DNAH10: variants seen among roughly 807,000 people sequenced by gnomAD.
DNAH10 encodes the protein dynein axonemal heavy chain 10, also known as axonemal beta dynein heavy chain 10.
In DNAH10, 348 loss-of-function variants were observed where a neutral mutation model predicts 506.6. The ratio of observed to expected loss-of-function variants is 0.69; its 90% CI spans 0.63 to 0.75. The LOEUF is 0.75. Ranked by LOEUF, DNAH10 falls within the 30% of genes least tolerant of loss-of-function variation. The pLI, the probability that DNAH10 is intolerant of heterozygous loss-of-function variation, is 0.00. For synonymous variants in DNAH10, 2,059 were observed against 2,198.6 expected, an observed-to-expected ratio of 0.94 and a Z score of 1.78; for missense variants, 5,179 against 5,787.1, an observed-to-expected ratio of 0.89 and a Z score of 3.41.
In DNAH10 at chr12:123,923,906, G is replaced by T. The variant is rs745564849; in HGVS notation, c.11611+39G>T. The stretch of plus-strand genomic sequence containing the variant: ...CTAGCTTCATTCCTCCCATCTCCTT[G>T]CCCACATGATACATGTATATAAGTT... On this transcript the variant is annotated intron_variant, in intron 66 of 78. Transcript: ENST00000673944. The T allele has an allele frequency of 2.8e-6, 4 of 1,416,362 alleles. No individual in the cohort carries two copies. The East Asian group carries it at 9.2e-5, about 33-fold the overall frequency. 87.7% of individuals were successfully genotyped at this position (1,416,362 alleles called of 1,614,324 possible).
At position 123,787,927 on chromosome 12, in the gene DNAH10, G is replaced by A. The variant is rs767865064; in HGVS notation, c.1545G>A (p.Glu515=). ...IEASGREDRW[E]FDRKRLFERT... ...CTTCGGGGAGGGAAGATCGGTGGGA[G>A]TTTGACCGGAAGCGGCTGTTCGAGA... Residue 515 remains glutamate (E), a synonymous_variant, in exon 10 of 79, where the codon GAG becomes GAA. Transcript: ENST00000673944. This position sits in a 1 kb window ranked among gnomAD's most constrained non-coding sequence, Gnocchi z 4.6. 3 of 1,608,676 alleles carry A rather than the reference G, an allele frequency of 1.9e-6. No individual in the cohort carries two copies. Among genetic ancestry groups the A allele is most frequent in the Admixed American group, 3.4e-5 (2 of 58,928 alleles).
At chr12:123,906,646 A>T (rs1288813116) in intron 57 of DNAH10, among the ~76,000 whole-genome samples, 1 of 152,138 alleles carries the variant, frequency 6.6e-6, no homozygotes, top group Non-Finnish European at 1.5e-5. Context: ...TTATGTTTTA[A>T]TTTTTTATAT....
intron 53 of DNAH10, among the ~76,000 whole-genome samples, chr12:123,894,248 G>A (rs368949277): frequency 6.6e-6 from 1 of 151,090 alleles, no homozygotes; most frequent in Non-Finnish European, 1.5e-5. Context: ...ACACCACCAC[G>A]CTGCCTGGCT....
At position 123,867,485 on chromosome 12, in the gene DNAH10, A is replaced by G. The variant is rs757455064; in HGVS notation, c.7186A>G (p.Asn2396Asp). ...IPNKVEQYNL[N>D]SLFEKYVPYL... ...TTTATAGGTGGAGCAATACAATTTG[A>G]ATAGTCTCTTTGAGAAGTATGTGCC... The change falls in exon 42 of 79, where the codon AAT becomes GAT. Residue 2396 changes from asparagine to aspartate, a missense_variant. Asn to Asp is a conservative substitution (Grantham distance 23). This residue lies in a region of DNAH10 where 4,844 missense variants were observed against 5,430.5 expected (regional missense o/e 0.89). Transcript: ENST00000673944. 6.2e-6 allele frequency: 10 copies of G among 1,613,656 alleles called. No individual in the cohort carries two copies. Among genetic ancestry groups the G allele is most frequent in the Non-Finnish European group, 7.6e-6 (9 of 1,179,764 alleles).
At chr12:123,854,676 G>A (rs1951319839) in intron 36 of DNAH10, among the ~76,000 whole-genome samples, 1 of 152,190 alleles carries the variant, frequency 6.6e-6, no homozygotes, top group African/African-American at 2.4e-5. Context: ...TGTTTGTACA[G>A]AGACTGCGAT....
chr12:123,865,895 A>G (rs1228331644), intron 40 of DNAH10, 56 bp from the exon 41 acceptor site: 8 of 1,489,204 alleles, frequency 5.4e-6, no homozygotes, highest in Non-Finnish European at 7.2e-6. Flanking sequence ...GTCCTTAAAC[A>G]TCTAGTTTAT....
chr12:123,806,118 T>C (rs937776595), intron 18 of DNAH10, among the ~76,000 whole-genome samples: 4 of 152,198 alleles, frequency 2.6e-5, no homozygotes, highest in African/African-American at 9.6e-5. Context: ...GCTTTCATTT[T>C]CTTGTTTGGT....
At chr12:123,924,987 C>T in intron 67 of DNAH10, 63 bp from the exon 68 acceptor site, 2 of 1,592,042 alleles carry the variant, frequency 1.3e-6, no homozygotes, top group Non-Finnish European at 1.7e-6. Context: ...CACCTTCACA[C>T]ATAAATGGGG....
At position 123,800,431 on chromosome 12, in the gene DNAH10, C is replaced by T. The variant is rs748132389; in HGVS notation, c.2462+43C>T. The T allele has an allele frequency of 5.1e-6, 8 of 1,575,562 alleles. No homozygotes were observed. The African/African-American group carries it at 8.2e-5, about 16-fold the overall frequency. On this transcript the variant is annotated intron_variant, in intron 15 of 78. Coordinates refer to ENST00000673944, the MANE Select transcript of DNAH10 (RefSeq NM_001372106.1). ...TTAAATTAGCAGTAAGCTTTTTGTT[C>T]TTGGGACCCCTTTACGCTCTTAAAA... is the stretch of plus-strand genomic sequence containing the variant.
At chr12:123,895,262 G>A (rs1265787905) in intron 54 of DNAH10, among the ~76,000 whole-genome samples, 1 of 152,210 alleles carries the variant, frequency 6.6e-6, no homozygotes, top group Non-Finnish European at 1.5e-5. Flanking sequence ...TAATTTTAAT[G>A]TTTGAATAAG....
intron 2 of DNAH10, among the ~76,000 whole-genome samples, chr12:123,770,557 T>C (rs1251068832): frequency 6.6e-6 from 1 of 151,082 alleles, no homozygotes; most frequent in East Asian, 1.9e-4. Flanking sequence ...CTGCTGTCTA[T>C]AGACTATTCC....
At chr12:123,935,311 A>C (rs1291440832) in intron 78 of DNAH10, 24 bp from the exon 79 acceptor site, 2 of 1,592,388 alleles carry the variant, frequency 1.3e-6, no homozygotes, top group East Asian at 2.3e-5. Flanking sequence ...CCGTGGGGGC[A>C]TCTCACCTGC....
At position 123,830,813 on chromosome 12, in the gene DNAH10, T is replaced by C. The variant is rs375001674; in HGVS notation, c.4545+114T>C. 3.0e-4 allele frequency: 341 copies of C among 1,121,264 alleles called. 2 individuals carry two copies. Among genetic ancestry groups the C allele is most frequent in the African/African-American group, 1.6e-3 (100 of 62,076 alleles). The allele number at this position is 1,121,264 out of a possible 1,614,324, so 69.5% of individuals were successfully genotyped here. ...AAAAAAAATTAGCTGAGCGTGGTGGTATGCCATTACTCCCAGCTTCTTGGG... is the reference window on the plus strand; with the variant it reads ...AAAAAAAATTAGCTGAGCGTGGTGGCATGCCATTACTCCCAGCTTCTTGGG... On this transcript the variant is annotated intron_variant, in intron 26 of 78. Coordinates refer to ENST00000673944, the MANE Select transcript of DNAH10 (RefSeq NM_001372106.1).
Position 123,934,621 on chromosome 12 carries a change from G to C in DNAH10, c.13478G>C (p.Gly4493Ala), listed in dbSNP as rs1955399564. The C allele has an allele frequency of 1.2e-6, 2 of 1,613,432 alleles. No homozygotes were observed. The highest frequency in any genetic ancestry group is 1.3e-5 in the African/African-American group (1 of 75,070). The change falls in exon 78 of 79, where the codon GGA becomes GCA. Residue 4493 changes from glycine to alanine, a missense_variant and splice_region_variant. Around this residue, in one of 3 missense-constraint regions of DNAH10, gnomAD observed 4,844 missense variants for 5,430.5 expected, o/e 0.89. Coordinates refer to ENST00000673944, the MANE Select transcript of DNAH10 (RefSeq NM_001372106.1). ...ADEVNERAGQ[G>A]CFVSGLYLEG... The stretch of plus-strand genomic sequence containing the variant: ...TCCAGTCTCTGCCTTGTGTCCCTAG[G>C]ATGCTTTGTCTCAGGACTGTACCTG...
intron 1 of DNAH10, among the ~76,000 whole-genome samples, chr12:123,766,747 T>C (rs1247553040): frequency 6.6e-6 from 1 of 152,200 alleles, no homozygotes; most frequent in African/African-American, 2.4e-5. Flanking sequence ...ATGAGGCACC[T>C]GTTTCCCAAT....
At chr12:123,812,342 T>C (rs530287468) in intron 19 of DNAH10, among the ~76,000 whole-genome samples, 1 of 152,078 alleles carries the variant, frequency 6.6e-6, no homozygotes, top group African/African-American at 2.4e-5. Context: ...TCCCAGCTAC[T>C]CGGGAGGCTG....
chr12:123,836,047 G>A (rs759426520), intron 28 of DNAH10, among the ~76,000 whole-genome samples: 8 of 152,290 alleles, frequency 5.3e-5, no homozygotes, highest in Non-Finnish European at 1.2e-4. Context: ...TATTATAAAA[G>A]CAATATTTGC....
At chr12:123,779,288 G>A (rs1329615349) in intron 5 of DNAH10, among the ~76,000 whole-genome samples, 4 of 151,920 alleles carry the variant, frequency 2.6e-5, no homozygotes, top group East Asian at 1.9e-4. Flanking sequence ...AGATTTTCCC[G>A]CCTTGGCCTC....
chr12:123,790,240 C>T (rs1320410050), intron 11 of DNAH10, 119 bp downstream of exon 11: 2 of 982,472 alleles, frequency 2.0e-6, no homozygotes, highest in Non-Finnish European at 1.5e-6. Flanking sequence ...GTAATACCTG[C>T]TTATTAATTA....
Sources: gnomAD v4.1 joint callset for allele counts (sites outside exome capture counted in the v4.1 genomes callset) on GRCh38, gnomAD v4.1.1 for gene constraint, gnomAD v4.1.1 regional missense constraint, Gnocchi (gnomAD v3.1) non-coding constraint, MANE v1.5 for transcripts, NCBI Gene and HGNC (gene_info 2026-07-23, HGNC 2026-07-21) for gene names.